ARHGAP15: variants seen among roughly 807,000 people sequenced by gnomAD.
The protein encoded by ARHGAP15 is rho GTPase-activating protein 15.
Under a neutral mutation model 63.7 loss-of-function variants are expected in ARHGAP15, and 51 were observed. The ratio of observed to expected loss-of-function variants is 0.80; its 90% CI spans 0.64 to 1.01. The LOEUF is 1.01. Ranked by LOEUF, ARHGAP15 falls within the 50% of genes least tolerant of loss-of-function variation. The pLI is 0.00. For missense variants in ARHGAP15, 560 were observed against 564.6 expected (o/e 0.99, Z 0.08); for synonymous variants, 191 against 193.8 (o/e 0.99, Z 0.12).
chr2:143,551,333 C>T (rs1460140992), intron 10 of ARHGAP15, among the ~76,000 whole-genome samples: 2 of 151,622 alleles, frequency 1.3e-5, no homozygotes, highest in African/African-American at 2.4e-5. Context: ...TAAATTTTGG[C>T]GGGGGGAAGA....
chr2:143,190,874 G>A lies in ARHGAP15; in HGVS notation c.166-11260G>A, dbSNP rs184400659. ...CAACCTCCGCCTCCCGGGTTCAAGC[G>A]ATTCTCCTGCCTCAGCCTCCTGAGT... On this transcript the variant is annotated intron_variant, in intron 2 of 13. Coordinates refer to ENST00000295095, the MANE Select transcript of ARHGAP15 (RefSeq NM_018460.4). 4.3e-3 allele frequency among the ~76,000 whole-genome samples: 662 copies of A among 152,288 alleles called. 4 individuals carry two copies. Among genetic ancestry groups the A allele is most frequent in the Non-Finnish European group, 7.2e-3 (489 of 68,006 alleles).
At position 143,147,798 on chromosome 2, in the gene ARHGAP15, G is replaced by T. The variant is rs77853964; in HGVS notation, c.-14-7679G>T. Among the ~76,000 whole-genome samples, 3 of 151,836 alleles carry T rather than the reference G, an allele frequency of 2.0e-5. No individual in the cohort carries two copies. In the South Asian group the frequency reaches 6.2e-4, roughly 31 times the overall value. The stretch of plus-strand genomic sequence containing the variant: ...CCTAAAATTCTGGAATATTTTTTCC[G>T]TATCACAGGGTGCCCTTTTCATAAG... On this transcript the variant is annotated intron_variant, in intron 1 of 13. Coordinates refer to ENST00000295095, the MANE Select transcript of ARHGAP15 (RefSeq NM_018460.4).
Position 143,457,119 on chromosome 2 carries a change from T to C in ARHGAP15, c.703+20077T>C, listed in dbSNP as rs556656257. Among the ~76,000 whole-genome samples, 29 of 152,270 alleles carry C rather than the reference T, an allele frequency of 1.9e-4. No homozygotes were observed. The South Asian group carries it at 6.0e-3, about 32-fold the overall frequency. Reference sequence around the variant, plus strand: ...CTTGTTCTATTTAAAAGAAAAAAGCTCCCATCTCAAAGTTTCCACCAAATA... The same window carrying C: ...CTTGTTCTATTTAAAAGAAAAAAGCCCCCATCTCAAAGTTTCCACCAAATA... On this transcript the variant is annotated intron_variant, in intron 8 of 13. Transcript: ENST00000295095.
chr2:143,285,800 A>G (rs1682066544), intron 6 of ARHGAP15, among the ~76,000 whole-genome samples: 1 of 152,200 alleles, frequency 6.6e-6, no homozygotes, highest in Non-Finnish European at 1.5e-5. Flanking sequence ...ATGAATATAT[A>G]TTGGTATCAT....
intron 6 of ARHGAP15, among the ~76,000 whole-genome samples, chr2:143,259,295 T>G (rs911005604): frequency 3.9e-5 from 6 of 152,128 alleles, no homozygotes; most frequent in South Asian, 2.1e-4. Context: ...AAATATTTGT[T>G]TCAAGCTTCA....
chr2:143,759,311 C>T (rs1013782534), intron 13 of ARHGAP15, among the ~76,000 whole-genome samples: 15 of 151,958 alleles, frequency 9.9e-5, no homozygotes, highest in African/African-American at 2.7e-4. Context: ...ACTTATACCA[C>T]GAAAGCATAT....
chr2:143,590,986 C>A (rs141643771), intron 11 of ARHGAP15, among the ~76,000 whole-genome samples: 1 of 152,162 alleles, frequency 6.6e-6, no homozygotes, highest in Non-Finnish European at 1.5e-5. Context: ...CAGATGATAG[C>A]CTCATTTGAG....
intron 2 of ARHGAP15, among the ~76,000 whole-genome samples, chr2:143,160,651 T>C (rs890159452): frequency 2.0e-5 from 3 of 152,082 alleles, no homozygotes; most frequent in Non-Finnish European, 2.9e-5. Flanking sequence ...TCCTAAGGTA[T>C]TTTGCAGACA....
At chr2:143,669,184 T>C (rs141452044) in intron 12 of ARHGAP15, among the ~76,000 whole-genome samples, 2 of 152,332 alleles carry the variant, frequency 1.3e-5, no homozygotes, top group East Asian at 3.9e-4. Context: ...TAATTGTCTC[T>C]ATTTTTCAGA....
rs570300422 is a variant in ARHGAP15 at position 143,658,797 on chromosome 2, A to T, written c.1138+34530A>T. ...CATTTTTCAGGAATCTCAAACAAAC[A>T]CTTCCTTTCACTTAATTGATTTGAC... is the stretch of plus-strand genomic sequence containing the variant. On this transcript the variant is annotated intron_variant, in intron 12 of 13. Coordinates refer to ENST00000295095, the MANE Select transcript of ARHGAP15 (RefSeq NM_018460.4). Among the ~76,000 whole-genome samples, 3 of 152,276 alleles carry T rather than the reference A, an allele frequency of 2.0e-5. No homozygotes were observed. In the East Asian group the frequency reaches 5.8e-4, roughly 29 times the overall value.
At chr2:143,457,302 A>T (rs906843269) in intron 8 of ARHGAP15, among the ~76,000 whole-genome samples, 6 of 151,984 alleles carry the variant, frequency 3.9e-5, no homozygotes, top group Admixed American at 3.9e-4. Context: ...ACTTTAGGAG[A>T]TAGAGACTAG....
At chr2:143,556,555 G>C (rs1695808574) in intron 11 of ARHGAP15, 70 bp downstream of exon 11, 1 of 1,065,180 alleles carries the variant, frequency 9.4e-7, no homozygotes, top group East Asian at 2.5e-5. Flanking sequence ...ACACTGTGCT[G>C]TATGTACTGT....
chr2:143,623,151 G>A (rs537735855), intron 11 of ARHGAP15, among the ~76,000 whole-genome samples: 1 of 152,170 alleles, frequency 6.6e-6, no homozygotes, highest in South Asian at 2.1e-4. Context: ...CAAATCGTCT[G>A]GCTCGACAGC....
intron 12 of ARHGAP15, among the ~76,000 whole-genome samples, chr2:143,685,494 C>T (rs1009577774): frequency 6.6e-6 from 1 of 152,168 alleles, no homozygotes; most frequent in Admixed American, 6.6e-5. Flanking sequence ...GCTGCACTTC[C>T]TCAGAACATG....
chr2:143,423,462 A>G (rs1329330012), intron 6 of ARHGAP15, among the ~76,000 whole-genome samples: 2 of 152,104 alleles, frequency 1.3e-5, no homozygotes, highest in South Asian at 2.1e-4. Flanking sequence ...GCTATTCCAG[A>G]TACTTGGCTG....
chr2:143,334,290 A>G (rs1174359830), intron 6 of ARHGAP15, among the ~76,000 whole-genome samples: 2 of 152,196 alleles, frequency 1.3e-5, no homozygotes, highest in African/African-American at 2.4e-5. Flanking sequence ...AGTCTAAATA[A>G]GAAGCACCAA....
chr2:143,710,228 G>A, intron 13 of ARHGAP15, among the ~76,000 whole-genome samples: 1 of 151,944 alleles, frequency 6.6e-6, no homozygotes, highest in Non-Finnish European at 1.5e-5. Flanking sequence ...AAGCTTCATA[G>A]CTCCTTTGCT....
intron 12 of ARHGAP15, among the ~76,000 whole-genome samples, chr2:143,629,959 A>G (rs1037142707): frequency 2.6e-5 from 4 of 152,182 alleles, no homozygotes; most frequent in Non-Finnish European, 4.4e-5. Flanking sequence ...AAATACAAAT[A>G]TAAATACTTT....
chr2:143,641,692 T>C (rs1377999318), intron 12 of ARHGAP15, among the ~76,000 whole-genome samples: 1 of 152,160 alleles, frequency 6.6e-6, no homozygotes, highest in Non-Finnish European at 1.5e-5. Flanking sequence ...GAACTATTTA[T>C]GATATAAACT....
Sources: gnomAD v4.1 joint callset for allele counts (sites outside exome capture counted in the v4.1 genomes callset) on GRCh38, gnomAD v4.1.1 for gene constraint, MANE v1.5 for transcripts, NCBI Gene and HGNC (gene_info 2026-07-23, HGNC 2026-07-21) for gene names.